Variants in SPRR2B observed in about 807,000 individuals in gnomAD.
SPRR2B encodes the protein small proline-rich protein 2B.
In SPRR2B, 1 loss-of-function variant was observed where a neutral mutation model predicts 1.0. The ratio of observed to expected loss-of-function variants is 1.01; its 90% CI spans 0.36 to 4.77. The LOEUF (loss-of-function observed/expected upper bound fraction) is 4.77. Among genes scored for constraint, SPRR2B ranks in the 30% most tolerant of loss-of-function variants. SPRR2B has a pLI of 0.16. For synonymous variants in SPRR2B, 27 were observed against 33.4 expected, an observed-to-expected ratio of 0.81 and a Z score of 0.66; for missense variants, 53 against 88.7, an observed-to-expected ratio of 0.60 and a Z score of 1.62.
At chr1:153,084,950 G>T in the SPRR2B span, among the ~76,000 whole-genome samples, 14 of 152,180 alleles carry the variant, frequency 9.2e-5, no homozygotes, top group African/African-American at 3.4e-4. Flanking sequence ...GATGAAGCCA[G>T]TCATCTGAAT....
the SPRR2B span, among the ~76,000 whole-genome samples, chr1:153,086,865 T>C: frequency 6.6e-6 from 1 of 151,978 alleles, no homozygotes; most frequent in African/African-American, 2.4e-5. Context: ...AGAACTGAAA[T>C]AATAACAACC....
chr1:153,075,865 CTTA>C, upstream of SPRR2B, among the ~76,000 whole-genome samples: 1 of 152,194 alleles, frequency 6.6e-6, no homozygotes. Flanking sequence ...GACATTTATT[CTTA>C]TGTGATAAAA....
At chr1:153,082,548 A>G in the SPRR2B span, among the ~76,000 whole-genome samples, 1 of 152,174 alleles carries the variant, frequency 6.6e-6, no homozygotes, top group Admixed American at 6.5e-5. Flanking sequence ...AAAATCTTAT[A>G]ATCAAATTAA....
chr1:153,079,448 G>A, the SPRR2B span, among the ~76,000 whole-genome samples: 1 of 152,190 alleles, frequency 6.6e-6, no homozygotes, highest in Non-Finnish European at 1.5e-5. Context: ...CCATGCCTAT[G>A]TACTGAATGG....
At chr1:153,084,144 C>T in the SPRR2B span, among the ~76,000 whole-genome samples, 21 of 152,154 alleles carry the variant, frequency 1.4e-4, no homozygotes, top group Admixed American at 7.9e-4. Flanking sequence ...GGCAGCTGCC[C>T]GTGGTCACCC....
upstream of SPRR2B, among the ~76,000 whole-genome samples, chr1:153,076,193 T>C (rs983405696): frequency 6.6e-6 from 1 of 152,214 alleles, no homozygotes; most frequent in East Asian, 1.9e-4. Context: ...ACAAATTACC[T>C]AAATTTTAGG....
chr1:153,080,193 G>A, the SPRR2B span, among the ~76,000 whole-genome samples: 7 of 151,780 alleles, frequency 4.6e-5, no homozygotes, highest in Admixed American at 2.0e-4. Context: ...GATACAGTGA[G>A]AGAAATTAAA....
chr1:153,083,518 G>A, the SPRR2B span, among the ~76,000 whole-genome samples: 68 of 152,244 alleles, frequency 4.5e-4, 1 homozygote, highest in African/African-American at 4.6e-4. Context: ...CTAAGGAACC[G>A]AGATTACAGG....
chr1:153,079,637 C>A, the SPRR2B span, among the ~76,000 whole-genome samples: 4 of 152,080 alleles, frequency 2.6e-5, no homozygotes, highest in South Asian at 8.3e-4. Flanking sequence ...TTCCCCATTG[C>A]TTGTTTTTGT....
At chr1:153,080,945 C>T in the SPRR2B span, among the ~76,000 whole-genome samples, 2 of 152,162 alleles carry the variant, frequency 1.3e-5, no homozygotes, top group Non-Finnish European at 2.9e-5. Context: ...CAATGGAATG[C>T]TGTGCAGTGA....
At chr1:153,072,661 G>C (rs1654693203), upstream of SPRR2B, among the ~76,000 whole-genome samples, 1 of 152,142 alleles carries the variant, frequency 6.6e-6, no homozygotes. Context: ...GTCTTTGAAA[G>C]ACAGTATTAT....
Position 153,070,254 on chromosome 1 carries a change from T to G in SPRR2B, c.*367A>C. 1 of 436,416 alleles carries G rather than the reference T, an allele frequency of 2.3e-6. No homozygotes were observed. The highest frequency in any genetic ancestry group is 4.0e-6 in the Non-Finnish European group (1 of 248,246). 27.0% of individuals were successfully genotyped at this position (436,416 alleles called of 1,614,324 possible). A position where few individuals can be genotyped will look rare whatever the true frequency, so the allele number is the denominator to read the frequency against. ...ATGCATAGATACTTTATTCAGGGAG[T>G]GAAAGAAAAGTGACAATTGCACAGG... On this transcript the variant is annotated 3_prime_UTR_variant, in exon 2 of 2. Transcript: ENST00000368755.
At chr1:153,080,925 C>T in the SPRR2B span, among the ~76,000 whole-genome samples, 1 of 152,150 alleles carries the variant, frequency 6.6e-6, no homozygotes, top group Non-Finnish European at 1.5e-5. Flanking sequence ...AACTGTGGTA[C>T]ACACTCATGC....
rs200163868 is a variant in SPRR2B, at chr1:153,070,684, C to T, written c.156G>A (p.Gln52=). The T allele has an allele frequency of 4.3e-6, 7 of 1,611,648 alleles. No homozygotes were observed. Among genetic ancestry groups the T allele is most frequent in the African/African-American group, 1.3e-5 (1 of 74,726 alleles). ...GGGAAGGTGTCACAGGAGGATATTT[C>T]TGCTGGCACTGCTGAGGTGGGCAGG... ...PQPCPPQQCQ[Q]KYPPVTPSPP... is the part of the protein sequence containing the mutation. Residue 52 remains glutamine, a synonymous_variant, in exon 2 of 2, where the codon CAG becomes CAA. Coordinates refer to ENST00000368755, the MANE Select transcript of SPRR2B (RefSeq NM_001388198.1).
the SPRR2B span, among the ~76,000 whole-genome samples, chr1:153,082,966 T>C: frequency 1.3e-5 from 2 of 152,106 alleles, no homozygotes; most frequent in East Asian, 1.9e-4. Flanking sequence ...AATAACTGCA[T>C]GAATAAAAAC....
the SPRR2B span, among the ~76,000 whole-genome samples, chr1:153,082,299 T>C: frequency 1.3e-5 from 2 of 152,186 alleles, no homozygotes; most frequent in African/African-American, 2.4e-5. Context: ...CAGTAATTAC[T>C]TTAAATGCAA....
chr1:153,087,385 A>G, the SPRR2B span, among the ~76,000 whole-genome samples: 1 of 152,196 alleles, frequency 6.6e-6, no homozygotes, highest in African/African-American at 2.4e-5. Flanking sequence ...AGAAGATTAT[A>G]AGAAATAACT....
At chr1:153,074,617 A>G (rs1259419325), upstream of SPRR2B, among the ~76,000 whole-genome samples, 1 of 152,238 alleles carries the variant, frequency 6.6e-6, no homozygotes, top group Non-Finnish European at 1.5e-5. Context: ...CATATAAAGC[A>G]TGACATGATT....
chr1:153,074,186 T>C (rs762557954), upstream of SPRR2B, among the ~76,000 whole-genome samples: 3 of 152,230 alleles, frequency 2.0e-5, no homozygotes, highest in Non-Finnish European at 4.4e-5. Context: ...TTATACATCA[T>C]GCAACCTTTT....
Sources: gnomAD v4.1 joint callset for allele counts (sites outside exome capture counted in the v4.1 genomes callset) on GRCh38, gnomAD v4.1.1 for gene constraint, MANE v1.5 for transcripts, NCBI Gene and HGNC (gene_info 2026-07-23, HGNC 2026-07-21) for gene names.